Variants in FANCB observed in about 807,000 individuals in gnomAD.
FANCB encodes Fanconi anemia group B protein.
Under a neutral mutation model 38.9 loss-of-function variants are expected in FANCB, and 5 were observed. The observed-to-expected ratio is 0.13, with a 90% confidence interval of 0.07 to 0.27. The LOEUF (loss-of-function observed/expected upper bound fraction) is 0.27, where lower values mean the gene tolerates loss of function less well. Among genes scored for constraint, FANCB ranks in the 10% least tolerant of loss-of-function variants. The probability of loss-of-function intolerance (pLI) is 1.00; values close to 1 mark genes in which losing one functional copy is unlikely to be tolerated. For missense variants in FANCB, 573 were observed against 602.7 expected (o/e 0.95, Z 0.52); for synonymous variants, 236 against 215.4 (o/e 1.10, Z -0.84).
the FANCB span, among the ~76,000 whole-genome samples, chrX:14,723,914 G>C: frequency 8.2e-4 from 91 of 111,548 alleles, no homozygotes; most frequent in African/African-American, 2.9e-3. Context: ...TTACTTTATT[G>C]TTTCCCTTCA....
the FANCB span, among the ~76,000 whole-genome samples, chrX:14,707,997 CTTCCCTCCCTCCTTCTTTCT>C: frequency 9.4e-6 from 1 of 105,932 alleles, no homozygotes; most frequent in African/African-American, 3.5e-5. Flanking sequence ...ACCTTCTTTC[CTTCCCTCCCTCCTTCTTTCT>C]TTCATGAGAA....
At chrX:14,832,023 T>C (rs2147369300), downstream of FANCB, among the ~76,000 whole-genome samples, 1 of 112,125 alleles carries the variant, frequency 8.9e-6, no homozygotes, top group South Asian at 3.7e-4. Flanking sequence ...GCCTTTAGAA[T>C]GACCTACCCT....
downstream of FANCB, among the ~76,000 whole-genome samples, chrX:14,841,765 T>C (rs755008544): frequency 5.4e-5 from 6 of 111,700 alleles, no homozygotes; most frequent in Non-Finnish European, 1.1e-4. Flanking sequence ...ATCATGAAAG[T>C]GGCAAGAGTG....
the FANCB span, among the ~76,000 whole-genome samples, chrX:14,796,250 G>T: frequency 6.4e-5 from 7 of 109,426 alleles, no homozygotes; most frequent in South Asian, 1.9e-3. Flanking sequence ...CAATCAAGAT[G>T]TCAGTTCAGG....
chrX:14,719,352 C>T, the FANCB span, among the ~76,000 whole-genome samples: 1 of 111,358 alleles, frequency 9.0e-6, no homozygotes. Context: ...AACAACTCAA[C>T]AGCAAAAAAT....
intron 6 of FANCB, among the ~76,000 whole-genome samples, 159 bp downstream of exon 6, chrX:14,852,880 T>A (rs2092407459): frequency 8.9e-6 from 1 of 112,220 alleles, no homozygotes; most frequent in South Asian, 3.6e-4. Flanking sequence ...TATTTTTCAA[T>A]GTCATAAAAG....
At chrX:14,817,647 ATAAC>A in the FANCB span, among the ~76,000 whole-genome samples, 1 of 112,089 alleles carries the variant, frequency 8.9e-6, no homozygotes, top group Non-Finnish European at 1.9e-5. Context: ...TCAGCGCATA[ATAAC>A]TGACATTCCT....
intron 10 of FANCB, among the ~76,000 whole-genome samples, chrX:14,837,491 G>A (rs999342443): frequency 1.8e-5 from 2 of 112,398 alleles, no homozygotes; most frequent in Admixed American, 1.9e-4. Flanking sequence ...AGGCACACAG[G>A]TATTTAGACA....
At chrX:14,806,494 AAG>A in the FANCB span, among the ~76,000 whole-genome samples, 1 of 111,809 alleles carries the variant, frequency 8.9e-6, no homozygotes, top group African/African-American at 3.3e-5. Context: ...TTGTAGGGAG[AAG>A]ACAGTAGCCA....
At chrX:14,788,068 G>T in the FANCB span, among the ~76,000 whole-genome samples, 613 of 107,455 alleles carry the variant, frequency 5.7e-3, 3 homozygotes, top group African/African-American at 0.02. Context: ...AAAGTGCTAG[G>T]ACAAGTCCCG....
Position 14,865,133 on chromosome X carries a change from T to C in FANCB, c.378A>G (p.Leu126=), listed in dbSNP as rs1376897734. The C allele has an allele frequency of 8.3e-7, 1 of 1,205,105 alleles. No homozygotes were observed. Among genetic ancestry groups the C allele is most frequent in the Non-Finnish European group, 1.1e-6 (1 of 892,569 alleles). The change falls in exon 3 of 10, where the codon CTA becomes CTG. Residue 126 remains leucine, a synonymous_variant. Transcript: ENST00000650831. ...TTAGGCCATCCTTCATCTCATAGCC[T>C]AGTTTAAAACTCAAACGCATTTCAA... is the stretch of plus-strand genomic sequence containing the variant. The part of the protein sequence containing the change: ...NKFEMRLSFK[L]GYEMKDGLRV...
the FANCB span, among the ~76,000 whole-genome samples, chrX:14,758,257 C>G: frequency 1.8e-5 from 2 of 111,398 alleles, no homozygotes; most frequent in East Asian, 5.7e-4. Flanking sequence ...CCTAACCTTT[C>G]CCCCTCTTAA....
the FANCB span, among the ~76,000 whole-genome samples, chrX:14,826,763 T>C: frequency 1.8e-5 from 2 of 112,494 alleles, no homozygotes; most frequent in African/African-American, 6.5e-5. Context: ...TTGTTGTTTT[T>C]TAATTGAAGA....
At chrX:14,810,265 T>A in the FANCB span, among the ~76,000 whole-genome samples, 2 of 111,993 alleles carry the variant, frequency 1.8e-5, no homozygotes, top group Non-Finnish European at 3.8e-5. Flanking sequence ...GCGCCTCTCC[T>A]CCTCCAAAGG....
At chrX:14,784,994 A>C in the FANCB span, among the ~76,000 whole-genome samples, 3 of 111,646 alleles carry the variant, frequency 2.7e-5, no homozygotes, top group African/African-American at 9.8e-5. Flanking sequence ...GAGGGGAACA[A>C]CACACACTGG....
At chrX:14,745,189 C>A in the FANCB span, among the ~76,000 whole-genome samples, 1 of 111,476 alleles carries the variant, frequency 9.0e-6, no homozygotes. Flanking sequence ...AACTTAGGCA[C>A]ATTAAAATTT....
At chrX:14,826,173 G>C in the FANCB span, among the ~76,000 whole-genome samples, 1 of 111,902 alleles carries the variant, frequency 8.9e-6, no homozygotes, top group Non-Finnish European at 1.9e-5. Context: ...TGTAACCACA[G>C]AACTATGAAA....
At chrX:14,849,963 T>C (rs1164899120) in intron 7 of FANCB, among the ~76,000 whole-genome samples, 1 of 112,494 alleles carries the variant, frequency 8.9e-6, no homozygotes, top group Non-Finnish European at 1.9e-5. Flanking sequence ...TAAAACTTTG[T>C]ATGAAAAAAT....
In FANCB at chrX:14,872,984, A is replaced by G. The variant is rs1301637887; in HGVS notation, c.-192+2T>C. On this transcript the variant is annotated splice_donor_variant, in intron 1 of 9. Transcript: ENST00000650831. LOFTEE classifies it low-confidence loss of function (5UTR_SPLICE). ...AGGGAAGACTCGCCAGCCCCATCCT[A>G]CCTCAACGCAGCGGCAACATACCGG... 8.4e-6 allele frequency: 1 copy of G among 118,606 alleles called. No homozygotes were observed. The highest frequency in any genetic ancestry group is 1.8e-5 in the Non-Finnish European group (1 of 56,902). 9.8% of individuals were successfully genotyped at this position (118,606 alleles called of 1,213,427 possible).
Sources: gnomAD v4.1 joint callset for allele counts (sites outside exome capture counted in the v4.1 genomes callset) on GRCh38, gnomAD v4.1.1 for gene constraint, MANE v1.5 for transcripts, NCBI Gene and HGNC (gene_info 2026-07-23, HGNC 2026-07-21) for gene names.